EEF2: variants seen among roughly 807,000 people sequenced by gnomAD.
The protein encoded by EEF2 is elongation factor 2.
A neutral mutation model predicts 85.3 loss-of-function variants in EEF2; 21 were observed. The observed-to-expected ratio is 0.25, with a 90% CI of 0.17 to 0.35. The LOEUF is 0.35. Ranked by LOEUF, EEF2 falls within the 10% of genes least tolerant of loss-of-function variation. The pLI, the probability that EEF2 is intolerant of heterozygous loss-of-function variation, is 1.00. For synonymous variants in EEF2, 723 were observed against 508.8 expected (o/e 1.42, Z -5.67); for missense variants, 825 against 1,225.3 (o/e 0.67, Z 4.88).
In EEF2 at chr19:3,976,641, G is replaced by A. The variant is rs1599189474; in HGVS notation, c.2490C>T (p.Arg830=). Residue 830 remains arginine, a synonymous_variant, in exon 15 of 15, where the codon CGC becomes CGT. Coordinates refer to ENST00000309311, the MANE Select transcript of EEF2 (RefSeq NM_001961.4). ...LPGDPFDNSS[R]PSQVVAETRK... Reference sequence around the variant, plus strand: ...GGGTCTCCGCCACCACCTGGCTGGGGCGGCTGCTGTTGTCGAAGGGGTCTC... The same window carrying A: ...GGGTCTCCGCCACCACCTGGCTGGGACGGCTGCTGTTGTCGAAGGGGTCTC... 4 of 1,610,306 alleles carry A rather than the reference G, an allele frequency of 2.5e-6. No individual in the cohort carries two copies. The highest frequency in any genetic ancestry group is 3.4e-6 in the Non-Finnish European group (4 of 1,178,770).
At position 3,982,664 on chromosome 19, in the gene EEF2, G is replaced by T; in HGVS notation, c.612+143C>A. On this transcript the variant is annotated intron_variant, in intron 4 of 14. Transcript: ENST00000309311. Reference sequence around the variant, plus strand: ...GATCAAGGGCTGGGTCAAGTCGGATGAAAACATTCCAGCCCCCTTCTCTGT... The same window carrying T: ...GATCAAGGGCTGGGTCAAGTCGGATTAAAACATTCCAGCCCCCTTCTCTGT... 3 of 1,143,534 alleles carry T rather than the reference G, an allele frequency of 2.6e-6. No individual in the cohort carries two copies. The Admixed American group carries it at 6.0e-5, about 23-fold the overall frequency. 70.8% of individuals were successfully genotyped at this position (1,143,534 alleles called of 1,614,324 possible). A position where few individuals can be genotyped will look rare whatever the true frequency, so the allele number is the denominator to read the frequency against.
intron 11 of EEF2, among the ~76,000 whole-genome samples, chr19:3,978,427 AAAC>A (rs2039703216): frequency 5.3e-5 from 8 of 152,154 alleles, no homozygotes; most frequent in Non-Finnish European, 1.0e-4. Flanking sequence ...AACAGGGAAG[AAAC>A]GAGGTCTGGA....
chr19:3,982,095 G>C lies in EEF2; in HGVS notation c.792-43C>G, dbSNP rs200629450. The C allele has an allele frequency of 8.7e-6, 14 of 1,608,524 alleles. No homozygotes were observed. In the East Asian group the frequency reaches 3.1e-4, roughly 36 times the overall value. ...AGCCAAATCAAGTTAGGGTCTCCAG[G>C]GGATGACTTGGGGAGGGTGGTCGCC... On this transcript the variant is annotated intron_variant, in intron 5 of 14. Transcript: ENST00000309311.
At chr19:3,980,100 G>T in intron 9 of EEF2, 34 bp from the exon 10 acceptor site, 3 of 1,599,210 alleles carry the variant, frequency 1.9e-6, no homozygotes, top group Middle Eastern at 1.7e-4. Flanking sequence ...CAGGCCGCAG[G>T]GATGGTTGTG....
chr19:3,980,758 T>C lies in EEF2; in HGVS notation c.1151-49A>G, dbSNP rs746718971. On this transcript the variant is annotated intron_variant, in intron 8 of 14. Coordinates refer to ENST00000309311, the MANE Select transcript of EEF2 (RefSeq NM_001961.4). The stretch of plus-strand genomic sequence containing the variant: ...AGCTTTATTCCAGTGCAGCTCAGCC[T>C]TCTGGAACCCTGCAACCCACAACCT... 15 of 1,601,582 alleles carry C rather than the reference T, an allele frequency of 9.4e-6. No individual in the cohort carries two copies. In the South Asian group the frequency reaches 1.6e-4, roughly 17 times the overall value.
Position 3,981,458 on chromosome 19 carries a change from T to G in EEF2, c.898-6A>C. The G allele has an allele frequency of 3.1e-6, 5 of 1,608,608 alleles. No homozygotes were observed. The highest frequency in any genetic ancestry group is 4.3e-6 in the Non-Finnish European group (5 of 1,175,720). On this transcript the variant is annotated splice_region_variant and splice_polypyrimidine_tract_variant and intron_variant, in intron 6 of 14. Coordinates refer to ENST00000309311, the MANE Select transcript of EEF2 (RefSeq NM_001961.4). ...TTCATGATCGCATCAAACACCTACATTCCCCACCAAGAAACAAGAAAGCCC... is the reference window on the plus strand; with the variant it reads ...TTCATGATCGCATCAAACACCTACAGTCCCCACCAAGAAACAAGAAAGCCC...
intron 1 of EEF2, 88 bp downstream of exon 1, chr19:3,985,290 G>A (rs1287249823): frequency 7.7e-6 from 10 of 1,304,606 alleles, no homozygotes; most frequent in Middle Eastern, 2.0e-4. Flanking sequence ...TCCTGGCACG[G>A]GGGGCCCCAG....
chr19:3,981,648 G>A lies in EEF2; in HGVS notation c.898-196C>T, dbSNP rs559286566. Among the ~76,000 whole-genome samples the A allele has an allele frequency of 1.6e-4, 24 of 152,314 alleles. No individual in the cohort carries two copies. The South Asian group carries it at 4.6e-3, about 29-fold the overall frequency. ...GAGGAAACCTCGTGGTGGAGCAGAG[G>A]AAAAAGCCCACTCTGACTCAGACAA... is the stretch of plus-strand genomic sequence containing the variant. On this transcript the variant is annotated intron_variant, in intron 6 of 14. Transcript: ENST00000309311.
At chr19:3,984,520 G>A (rs766469658) in intron 1 of EEF2, among the ~76,000 whole-genome samples, 170 bp from the exon 2 acceptor site, 16 of 152,230 alleles carry the variant, frequency 1.1e-4, no homozygotes, top group Admixed American at 3.9e-4. Flanking sequence ...GAGCCACCCC[G>A]CAATCTCCAA....
At chr19:3,981,205 CAG>C (rs2039741634) in intron 7 of EEF2, 132 bp downstream of exon 7, 2 of 1,077,874 alleles carry the variant, frequency 1.9e-6, no homozygotes, top group East Asian at 2.4e-5. Flanking sequence ...CAGCAGCACC[CAG>C]AGTCTAAAGC....
intron 9 of EEF2, among the ~76,000 whole-genome samples, chr19:3,980,284 C>A (rs2039728984): frequency 6.6e-6 from 1 of 152,240 alleles, no homozygotes; most frequent in Non-Finnish European, 1.5e-5. Flanking sequence ...GGCCGCCACC[C>A]ACCTGTGCCC....
chr19:3,979,323 C>A lies in EEF2; in HGVS notation c.1713+6G>T, dbSNP rs1305014519. 6.2e-7 allele frequency: 1 copy of A among 1,613,022 alleles called. No individual in the cohort carries two copies. Among genetic ancestry groups the A allele is most frequent in the East Asian group, 2.2e-5 (1 of 44,880 alleles). ...GCGTGGGGAAGGCTGGTCACTGGCG[C>A]CTCACCTTGATGGGGATGCAGGCGT... On this transcript the variant is annotated splice_donor_region_variant and intron_variant, in intron 11 of 14. Transcript: ENST00000309311.
chr19:3,982,803 G>A lies in EEF2; in HGVS notation c.612+4C>T, dbSNP rs768577520. On this transcript the variant is annotated splice_donor_region_variant and intron_variant, in intron 4 of 14. Coordinates refer to ENST00000309311, the MANE Select transcript of EEF2 (RefSeq NM_001961.4). The stretch of plus-strand genomic sequence containing the variant: ...GCCCACCACCCAGCTAGGGAGGGCC[G>A]TACCATGATGTTGCCCATGGGGCCG... 1.1e-5 allele frequency: 18 copies of A among 1,607,728 alleles called. No individual in the cohort carries two copies. Among genetic ancestry groups the A allele is most frequent in the East Asian group, 2.2e-5 (1 of 44,668 alleles).
intron 2 of EEF2, 60 bp from the exon 3 acceptor site, chr19:3,983,351 G>A (rs1455147806): frequency 2.6e-6 from 4 of 1,553,862 alleles, no homozygotes; most frequent in Non-Finnish European, 3.5e-6. Flanking sequence ...CAGGGAGTCT[G>A]GGATGCTGTC....
Position 3,980,692 on chromosome 19 carries a change from G to C in EEF2, c.1168C>G (p.Pro390Ala), listed in dbSNP as rs762878861. The C allele has an allele frequency of 8.1e-6, 13 of 1,613,514 alleles. No individual in the cohort carries two copies. In the East Asian group the frequency reaches 8.9e-5, roughly 11 times the overall value. The change falls in exon 9 of 15, where the codon CCC becomes GCC. Residue 390 changes from proline (P) to alanine (A), a missense_variant. Pro to Ala is a conservative substitution (Grantham distance 27). Transcript: ENST00000309311. ...ATATACATCATAAGAGGGCCTTTGG[G>C]GTCACAGCTTTTAATGCCTGAGGGA... ...EAAMGIKSCDPKGPLMMYISK... is the reference protein window; with the variant it reads ...EAAMGIKSCDAKGPLMMYISK...
intron 4 of EEF2, 63 bp from the exon 5 acceptor site, chr19:3,982,487 C>T: frequency 1.2e-6 from 2 of 1,606,096 alleles, no homozygotes; most frequent in South Asian, 1.1e-5. Flanking sequence ...AAGCTACGGG[C>T]TGGGCGCCTT....
intron 1 of EEF2, chr19:3,985,030 G>C (rs1019058261): frequency 7.2e-5 from 23 of 319,842 alleles, no homozygotes; most frequent in African/African-American, 4.7e-4. Flanking sequence ...TCTCAAACTC[G>C]CGGCCCGCGG....
rs755808345 is a variant in EEF2 at position 3,984,210 on chromosome 19, C to T, written c.144G>A (p.Ser48=). 9 of 1,614,078 alleles carry T rather than the reference C, an allele frequency of 5.6e-6. No individual in the cohort carries two copies. Among genetic ancestry groups the T allele is most frequent in the Admixed American group, 1.7e-5 (1 of 60,030 alleles). Residue 48 remains serine, a synonymous_variant, in exon 2 of 15, where the codon TCG becomes TCA. Transcript: ENST00000309311. ...SLVCKAGIIA[S]ARAGETRFTD... is the part of the protein sequence containing the mutation. ...TGAAGCGTGTCTCCCCGGCCCGGGCCGAGGCGATGATGCCCGCCTTGCACA... is the reference window on the plus strand; with the variant it reads ...TGAAGCGTGTCTCCCCGGCCCGGGCTGAGGCGATGATGCCCGCCTTGCACA...
chr19:3,981,985 G>T lies in EEF2; in HGVS notation c.859C>A (p.Arg287Ser). The change falls in exon 6 of 15, where the codon CGC becomes AGC. Residue 287 changes from arginine (R) to serine (S), a missense_variant. Physicochemically the swap from Arg to Ser is moderately radical, Grantham distance 110 (BLOSUM62 -1). Coordinates refer to ENST00000309311, the MANE Select transcript of EEF2 (RefSeq NM_001961.4). Reference sequence around the variant, plus strand: ...TCCAGGATCAGCTGGCAGAAGGTGCGTGGCAGCTTCTTCCCTTCGGGGCTG... The same window carrying T: ...TCCAGGATCAGCTGGCAGAAGGTGCTTGGCAGCTTCTTCCCTTCGGGGCTG... ...ATSPEGKKLP[R>S]TFCQLILDPI... is the part of the protein sequence containing the mutation. The T allele has an allele frequency of 6.2e-7, 1 of 1,614,168 alleles. No individual in the cohort carries two copies. The highest frequency in any genetic ancestry group is 8.5e-7 in the Non-Finnish European group (1 of 1,180,004).
Sources: gnomAD v4.1 joint callset for allele counts (sites outside exome capture counted in the v4.1 genomes callset) on GRCh38, gnomAD v4.1.1 for gene constraint, MANE v1.5 for transcripts, NCBI Gene and HGNC (gene_info 2026-07-23, HGNC 2026-07-21) for gene names.